LRP1B: variants seen among roughly 807,000 people sequenced by gnomAD.
The protein encoded by LRP1B is low-density lipoprotein receptor-related protein 1B.
LRP1B carries 217 observed loss-of-function variants against 556.6 expected under a neutral mutation model. The ratio of observed to expected loss-of-function variants is 0.39; its 90% confidence interval spans 0.35 to 0.44. The LOEUF (loss-of-function observed/expected upper bound fraction) is 0.44. LRP1B is among the 20% of genes least tolerant of loss of function. The probability of loss-of-function intolerance (pLI) is 1.00; values close to 1 mark genes in which losing one functional copy is unlikely to be tolerated. For missense variants in LRP1B, 5,053 were observed against 5,620.8 expected, an observed-to-expected ratio of 0.90 and a Z score of 3.23; for synonymous variants, 2,047 against 1,865.8, an observed-to-expected ratio of 1.10 and a Z score of -2.50.
chr2:141,764,154 C>A (rs1391628057), intron 2 of LRP1B, among the ~76,000 whole-genome samples: 1 of 151,744 alleles, frequency 6.6e-6, no homozygotes, highest in Non-Finnish European at 1.5e-5. Context: ...TAAATGAAGT[C>A]ATAGGAATGG....
At chr2:140,946,578 G>T (rs1695554605) in intron 20 of LRP1B, among the ~76,000 whole-genome samples, 1 of 152,054 alleles carries the variant, frequency 6.6e-6, no homozygotes, top group Non-Finnish European at 1.5e-5. Flanking sequence ...TCCAGCTTGG[G>T]CAACAGAGTG....
intron 1 of LRP1B, among the ~76,000 whole-genome samples, chr2:141,977,438 T>A (rs934604284): frequency 1.1e-4 from 16 of 152,058 alleles, no homozygotes; most frequent in South Asian, 6.2e-4. Context: ...CAGGAATGCT[T>A]GTAATCCCAG....
At chr2:141,045,023 A>G (rs1483067389) in intron 11 of LRP1B, among the ~76,000 whole-genome samples, 1 of 151,638 alleles carries the variant, frequency 6.6e-6, no homozygotes, top group African/African-American at 2.4e-5. Flanking sequence ...ACCAACCCAA[A>G]TGTCCAACAA....
intron 35 of LRP1B, among the ~76,000 whole-genome samples, chr2:140,752,890 A>G (rs1289734134): frequency 6.6e-6 from 1 of 152,140 alleles, no homozygotes; most frequent in Non-Finnish European, 1.5e-5. Flanking sequence ...ATTGTCACCT[A>G]AAGTCCACAC....
In LRP1B at chr2:141,084,712, C is replaced by T. The variant is rs1020318498; in HGVS notation, c.1014-22439G>A. Among the ~76,000 whole-genome samples, 5 of 150,216 alleles carry T rather than the reference C, an allele frequency of 3.3e-5. No homozygotes were observed. The East Asian group carries it at 9.9e-4, about 30-fold the overall frequency. On this transcript the variant is annotated intron_variant, in intron 7 of 90. Coordinates refer to ENST00000389484, the MANE Select transcript of LRP1B (RefSeq NM_018557.3). The stretch of plus-strand genomic sequence containing the variant: ...TCCCCCAGACTGGAGTGCAGTGGTG[C>T]GATCTCGGCTCACTGCAAGCTCCGC...
At chr2:140,310,208 G>T (rs1166877817) in intron 83 of LRP1B, among the ~76,000 whole-genome samples, 4 of 151,412 alleles carry the variant, frequency 2.6e-5, no homozygotes, top group South Asian at 2.1e-4. Context: ...TTTTCTACTT[G>T]CTTTGTTGGA....
chr2:140,611,591 A>G (rs1683075142), intron 41 of LRP1B, among the ~76,000 whole-genome samples: 1 of 152,146 alleles, frequency 6.6e-6, no homozygotes, highest in African/African-American at 2.4e-5. Context: ...AAGAAAAGGA[A>G]TAAGTACAGA....
Position 140,903,087 on chromosome 2 carries a change from G to A in LRP1B, c.3599C>T (p.Pro1200Leu), listed in dbSNP as rs1342686650. Residue 1200 changes from proline to leucine, a missense_variant, in exon 23 of 91, where the codon CCT (proline) becomes CTT (leucine). By Grantham distance (98) the Pro-to-Leu change is moderately conservative (BLOSUM62 -3). Coordinates refer to ENST00000389484, the MANE Select transcript of LRP1B (RefSeq NM_018557.3). ...GTCTTTGTTGAGTTGAAGTCCTTCA[G>A]GGCAGGAACAGACAATTCCTCTTCC... ...VPGRGIVCSC[P>L]EGLQLNKDNK... 1.2e-6 allele frequency: 2 copies of A among 1,613,542 alleles called. No individual in the cohort carries two copies. Among genetic ancestry groups the A allele is most frequent in the Middle Eastern group, 3.3e-4 (2 of 6,060 alleles).
At chr2:141,496,531 T>C (rs1217409820) in intron 2 of LRP1B, among the ~76,000 whole-genome samples, 2 of 152,036 alleles carry the variant, frequency 1.3e-5, no homozygotes, top group Non-Finnish European at 2.9e-5. Context: ...AAACAGAGCA[T>C]CTCATTTCAT....
chr2:141,114,072 T>C (rs573337487), intron 7 of LRP1B, among the ~76,000 whole-genome samples: 1 of 152,360 alleles, frequency 6.6e-6, no homozygotes, highest in African/African-American at 2.4e-5. Context: ...GAGAATTCAC[T>C]GACCCCCTCA....
chr2:141,008,578 T>C, intron 14 of LRP1B, among the ~76,000 whole-genome samples: 1 of 151,794 alleles, frequency 6.6e-6, no homozygotes, highest in East Asian at 1.9e-4. Flanking sequence ...CAGATAGTTT[T>C]TAAAAATCAA....
In LRP1B at chr2:140,517,004, G is replaced by C. The variant is rs1438602564; in HGVS notation, c.8034C>G (p.Asn2678Lys). 2 of 1,584,498 alleles carry C rather than the reference G, an allele frequency of 1.3e-6. No individual in the cohort carries two copies. Among genetic ancestry groups the C allele is most frequent in the Non-Finnish European group, 1.7e-6 (2 of 1,153,456 alleles). ...AATAATTTTCTTCACATTTGTGTTT[G>C]TTTTGAACTGTGATAAAATATGGAA... ...YSDELKCPVQNKHKCEENYFS... is the reference protein window; with the variant it reads ...YSDELKCPVQKKHKCEENYFS... The change falls in exon 50 of 91, where the codon AAC (asparagine) becomes AAG (lysine). Residue 2678 changes from asparagine (N) to lysine (K), a missense_variant. By Grantham distance (94) the Asn-to-Lys change is moderately conservative. Coordinates refer to ENST00000389484, the MANE Select transcript of LRP1B (RefSeq NM_018557.3).
At chr2:140,487,976 CA>C (rs1206643779) in intron 57 of LRP1B, among the ~76,000 whole-genome samples, 1 of 151,662 alleles carries the variant, frequency 6.6e-6, no homozygotes, top group Admixed American at 6.6e-5. Flanking sequence ...CACAAAATTT[CA>C]AAATATTTAC....
chr2:140,725,390 A>G (rs1421922034), intron 35 of LRP1B, among the ~76,000 whole-genome samples: 1 of 152,088 alleles, frequency 6.6e-6, no homozygotes, highest in East Asian at 1.9e-4. Context: ...CACTCATATA[A>G]ACATGAAATA....
intron 20 of LRP1B, among the ~76,000 whole-genome samples, chr2:140,929,894 T>A (rs1695000227): frequency 6.6e-6 from 1 of 152,058 alleles, no homozygotes; most frequent in African/African-American, 2.4e-5. Flanking sequence ...GGTGTTGATG[T>A]TTAGGAATGC....
At chr2:140,338,424 G>C (rs654817) in intron 77 of LRP1B, among the ~76,000 whole-genome samples, 5,923 of 151,706 alleles carry the variant, frequency 0.039, 363 homozygotes, top group African/African-American at 0.13. Flanking sequence ...GAAAGGAGCA[G>C]AGGAGGAAGA....
intron 20 of LRP1B, among the ~76,000 whole-genome samples, chr2:140,942,724 G>C (rs1195585240): frequency 1.3e-5 from 2 of 151,812 alleles, no homozygotes; most frequent in African/African-American, 4.8e-5. Flanking sequence ...TTTTTTTCCA[G>C]AGTAACAATA....
chr2:141,059,319 A>T (rs1419390475), intron 8 of LRP1B, among the ~76,000 whole-genome samples: 2 of 151,772 alleles, frequency 1.3e-5, no homozygotes, highest in Non-Finnish European at 2.9e-5. Flanking sequence ...CATATTTAGT[A>T]GTTATTTTTC....
intron 2 of LRP1B, among the ~76,000 whole-genome samples, chr2:141,549,320 A>G (rs1685667824): frequency 6.6e-6 from 1 of 152,190 alleles, no homozygotes; most frequent in Non-Finnish European, 1.5e-5. Flanking sequence ...AGAAGCTGGC[A>G]CAAAGTGAGC....
Sources: gnomAD v4.1 joint callset for allele counts (sites outside exome capture counted in the v4.1 genomes callset) on GRCh38, gnomAD v4.1.1 for gene constraint, MANE v1.5 for transcripts, NCBI Gene and HGNC (gene_info 2026-07-23, HGNC 2026-07-21) for gene names.